Variants in ZNF385B observed in about 807,000 individuals in gnomAD.
ZNF385B encodes zinc finger protein 533.
A neutral mutation model predicts 39.2 loss-of-function variants in ZNF385B; 23 were observed. The observed-to-expected ratio is 0.59, with a 90% CI of 0.42 to 0.83. The LOEUF (loss-of-function observed/expected upper bound fraction) is 0.83. Ranked by LOEUF, ZNF385B falls within the 40% of genes least tolerant of loss-of-function variation. The pLI is 0.00. For synonymous variants in ZNF385B, 205 were observed against 222.6 expected (o/e 0.92, Z 0.70); for missense variants, 552 against 598.9 (o/e 0.92, Z 0.82).
At chr2:179,768,108 C>T (rs1347872460) in intron 3 of ZNF385B, among the ~76,000 whole-genome samples, 4 of 151,594 alleles carry the variant, frequency 2.6e-5, no homozygotes, top group African/African-American at 4.8e-5. Flanking sequence ...TGCCACCACA[C>T]CTGACTAAAT....
At chr2:179,588,552 C>T (rs1369483683) in intron 3 of ZNF385B, among the ~76,000 whole-genome samples, 4 of 152,086 alleles carry the variant, frequency 2.6e-5, no homozygotes, top group Non-Finnish European at 5.9e-5. Context: ...CACACTTACC[C>T]ACCATGATTG....
chr2:179,736,902 G>A (rs767826863), intron 3 of ZNF385B, among the ~76,000 whole-genome samples: 27 of 152,156 alleles, frequency 1.8e-4, no homozygotes, highest in Non-Finnish European at 4.4e-5. Flanking sequence ...CTCGAGAGGC[G>A]GAACTTGGAG....
At chr2:179,831,438 A>G (rs1256304970) in intron 1 of ZNF385B, among the ~76,000 whole-genome samples, 1 of 152,034 alleles carries the variant, frequency 6.6e-6, no homozygotes, top group African/African-American at 2.4e-5. Context: ...ATCCAGCAAA[A>G]CTGCATGAAC....
rs534113714 is a variant in ZNF385B at position 179,788,225 on chromosome 2, A to G, written c.-154-17553T>C. On this transcript the variant is annotated intron_variant, in intron 1 of 9. Transcript: ENST00000410066. ...CGTGCACACACACACGCACACACAC[A>G]TAATTAGGTAACAGTTAATTTGGAA... 1.3e-5 allele frequency among the ~76,000 whole-genome samples: 2 copies of G among 152,294 alleles called. 1 individual carries two copies. Among genetic ancestry groups the G allele is most frequent in the African/African-American group, 4.8e-5 (2 of 41,564 alleles).
chr2:179,774,315 C>T (rs777554053), intron 1 of ZNF385B, among the ~76,000 whole-genome samples: 4 of 151,016 alleles, frequency 2.6e-5, no homozygotes, highest in South Asian at 2.1e-4. Context: ...TGGGTGTATA[C>T]GTGTGTAGCA....
At chr2:179,611,764 T>G (rs556047515) in intron 3 of ZNF385B, among the ~76,000 whole-genome samples, 4 of 152,222 alleles carry the variant, frequency 2.6e-5, no homozygotes, top group Non-Finnish European at 4.4e-5. Flanking sequence ...GTAGGTTGTA[T>G]GTGTCTAGGA....
intron 6 of ZNF385B, among the ~76,000 whole-genome samples, chr2:179,479,576 A>C (rs1267021026): frequency 2.0e-5 from 3 of 152,162 alleles, no homozygotes; most frequent in Non-Finnish European, 4.4e-5. Context: ...ACAGTAGCAC[A>C]TACCTGTAAT....
chr2:179,657,052 G>A (rs1483068879), intron 3 of ZNF385B, among the ~76,000 whole-genome samples: 1 of 152,176 alleles, frequency 6.6e-6, no homozygotes, highest in Non-Finnish European at 1.5e-5. Flanking sequence ...CAGAAAGCCA[G>A]TTTGATAAGG....
chr2:179,490,993 T>TTA (rs2055162878), intron 5 of ZNF385B, among the ~76,000 whole-genome samples: 1 of 152,278 alleles, frequency 6.6e-6, no homozygotes, highest in Non-Finnish European at 1.5e-5. Context: ...AATAAGTTTA[T>TTA]TATATATATA....
At chr2:179,669,334 T>G (rs1695601906) in intron 3 of ZNF385B, among the ~76,000 whole-genome samples, 1 of 152,166 alleles carries the variant, frequency 6.6e-6, no homozygotes, top group Admixed American at 6.5e-5. Context: ...CTCAAATTGG[T>G]TACATATTAA....
At chr2:179,544,715 T>C (rs963617645) in intron 4 of ZNF385B, 112 bp downstream of exon 4, 6 of 1,340,152 alleles carry the variant, frequency 4.5e-6, no homozygotes, top group African/African-American at 1.4e-5. Context: ...GCATAACCAA[T>C]ATATGGTCTA....
chr2:179,811,463 A>G (rs1450496510), intron 1 of ZNF385B, among the ~76,000 whole-genome samples: 1 of 152,206 alleles, frequency 6.6e-6, no homozygotes, highest in Non-Finnish European at 1.5e-5. Context: ...TCACAGATCA[A>G]TGTAACTGAA....
chr2:179,753,624 T>C (rs1391840379), intron 3 of ZNF385B, among the ~76,000 whole-genome samples: 3 of 152,230 alleles, frequency 2.0e-5, no homozygotes, highest in African/African-American at 7.2e-5. Flanking sequence ...AGCAGTGGTT[T>C]GTAGTTCTCC....
intron 3 of ZNF385B, among the ~76,000 whole-genome samples, chr2:179,582,748 GAT>G (rs1365115614): frequency 6.6e-6 from 1 of 152,158 alleles, no homozygotes; most frequent in African/African-American, 2.4e-5. Context: ...AAATTACAAA[GAT>G]AGTAAACAGA....
intron 3 of ZNF385B, among the ~76,000 whole-genome samples, chr2:179,553,052 G>A (rs149074206): frequency 6.7e-6 from 1 of 148,998 alleles, no homozygotes; most frequent in African/African-American, 2.5e-5. Context: ...CAGGCTATTT[G>A]ACTTCTGAAT....
chr2:179,493,546 C>G (rs13016959), intron 5 of ZNF385B, among the ~76,000 whole-genome samples: 4 of 80,786 alleles, frequency 5.0e-5, no homozygotes, highest in African/African-American at 1.6e-4. Context: ...CGTATACATA[C>G]GTGTACATGC....
intron 1 of ZNF385B, among the ~76,000 whole-genome samples, chr2:179,776,337 G>A (rs1559184742): frequency 6.6e-6 from 1 of 152,192 alleles, no homozygotes. Context: ...ATCTAGACAT[G>A]TGAATCTTGT....
chr2:179,730,212 G>A (rs1349019873), intron 3 of ZNF385B, among the ~76,000 whole-genome samples: 2 of 152,012 alleles, frequency 1.3e-5, no homozygotes, highest in Non-Finnish European at 2.9e-5. Flanking sequence ...TTTATGCCCG[G>A]GTCCTGGCTT....
At chr2:179,458,586 C>G (rs978519222) in intron 6 of ZNF385B, among the ~76,000 whole-genome samples, 20 of 152,088 alleles carry the variant, frequency 1.3e-4, no homozygotes, top group African/African-American at 4.3e-4. Context: ...GCTACAGAAG[C>G]TCTGAAACCA....
Sources: gnomAD v4.1 joint callset for allele counts (sites outside exome capture counted in the v4.1 genomes callset) on GRCh38, gnomAD v4.1.1 for gene constraint, MANE v1.5 for transcripts, NCBI Gene and HGNC (gene_info 2026-07-23, HGNC 2026-07-21) for gene names.